TRAPPC9: variants seen among roughly 807,000 people sequenced by gnomAD.
TRAPPC9 encodes IKK2 binding protein.
In TRAPPC9, 83 loss-of-function variants were observed where a neutral mutation model predicts 124.0. The ratio of observed to expected loss-of-function variants is 0.67; its 90% CI spans 0.56 to 0.80. The LOEUF (loss-of-function observed/expected upper bound fraction) is 0.80, where lower values mean the gene tolerates loss of function less well. Ranked by LOEUF, TRAPPC9 falls within the 30% of genes least tolerant of loss-of-function variation. TRAPPC9 has a pLI of 0.00. For synonymous variants in TRAPPC9, 638 were observed against 617.5 expected (o/e 1.03, Z -0.49); for missense variants, 1,302 against 1,508.3 (o/e 0.86, Z 2.27).
At chr8:140,359,485 G>A (rs1461755321) in intron 9 of TRAPPC9, among the ~76,000 whole-genome samples, 2 of 152,180 alleles carry the variant, frequency 1.3e-5, no homozygotes, top group African/African-American at 4.8e-5. Context: ...CTTGAAACAG[G>A]GGCAGAAACA....
intron 21 of TRAPPC9, among the ~76,000 whole-genome samples, chr8:139,753,605 G>T (rs1009459516): frequency 2.0e-5 from 3 of 152,224 alleles, no homozygotes; most frequent in Admixed American, 6.5e-5. Flanking sequence ...CAAGCCTTCT[G>T]TACTCCTTCC....
At chr8:139,890,027 C>G (rs541441470) in intron 20 of TRAPPC9, among the ~76,000 whole-genome samples, 6 of 152,246 alleles carry the variant, frequency 3.9e-5, no homozygotes, top group Admixed American at 3.3e-4. Context: ...GCATCTCCCA[C>G]GATGAGGACG....
chr8:139,758,412 G>A (rs1472004799), intron 21 of TRAPPC9, among the ~76,000 whole-genome samples: 1 of 152,102 alleles, frequency 6.6e-6, no homozygotes, highest in Non-Finnish European at 1.5e-5. Flanking sequence ...CTCACATATT[G>A]ACTCTGTCAA....
chr8:139,843,508 G>T (rs955912244), intron 21 of TRAPPC9, among the ~76,000 whole-genome samples: 15 of 152,234 alleles, frequency 9.9e-5, no homozygotes, highest in African/African-American at 3.4e-4. Context: ...GTGGACTGGT[G>T]TTCTTCCACG....
intron 5 of TRAPPC9, among the ~76,000 whole-genome samples, chr8:140,417,466 A>C (rs2069978557): frequency 2.0e-5 from 3 of 152,268 alleles, no homozygotes; most frequent in Admixed American, 2.0e-4. Flanking sequence ...AAAAAAGCTC[A>C]TCATCACTGG....
intron 16 of TRAPPC9, among the ~76,000 whole-genome samples, chr8:140,248,533 G>A (rs1291013649): frequency 6.6e-6 from 1 of 152,120 alleles, no homozygotes; most frequent in East Asian, 1.9e-4. Context: ...TATATTTTGG[G>A]GTCCGTGGGG....
At chr8:139,789,896 G>A (rs577991680) in intron 21 of TRAPPC9, among the ~76,000 whole-genome samples, 189 of 152,238 alleles carry the variant, frequency 1.2e-3, no homozygotes, top group African/African-American at 4.3e-3. Context: ...ATTTGAAGGC[G>A]GTGCTCTGAT....
intron 19 of TRAPPC9, among the ~76,000 whole-genome samples, chr8:139,970,806 T>C (rs1186377969): frequency 6.6e-6 from 1 of 152,040 alleles, no homozygotes; most frequent in Non-Finnish European, 1.5e-5. Flanking sequence ...CCAGTGCCCT[T>C]TGTCCAGGAT....
At chr8:140,214,785 A>G (rs940233468) in intron 17 of TRAPPC9, among the ~76,000 whole-genome samples, 2 of 152,198 alleles carry the variant, frequency 1.3e-5, no homozygotes, top group African/African-American at 4.8e-5. Context: ...GTGGACAGAC[A>G]CAGTCACTCT....
At chr8:140,076,514 G>A (rs1843519537) in intron 17 of TRAPPC9, among the ~76,000 whole-genome samples, 1 of 152,214 alleles carries the variant, frequency 6.6e-6, no homozygotes. Flanking sequence ...AGAGGAGAGC[G>A]CCAGGCCTCC....
intron 5 of TRAPPC9, among the ~76,000 whole-genome samples, chr8:140,425,797 C>A (rs1255685416): frequency 2.0e-5 from 3 of 152,300 alleles, no homozygotes; most frequent in African/African-American, 7.2e-5. Flanking sequence ...GCCTTCTCAT[C>A]AGCAACTCAG....
intron 21 of TRAPPC9, among the ~76,000 whole-genome samples, chr8:139,819,010 T>A (rs1825062268): frequency 6.6e-6 from 1 of 152,214 alleles, no homozygotes; most frequent in Non-Finnish European, 1.5e-5. Context: ...TATGTCCCGT[T>A]AGGAACCAGG....
At chr8:140,203,857 G>A (rs2062853305) in intron 17 of TRAPPC9, among the ~76,000 whole-genome samples, 1 of 139,978 alleles carries the variant, frequency 7.1e-6, no homozygotes, top group African/African-American at 2.6e-5. Context: ...CACACATGAG[G>A]CCAAGGTATT....
At chr8:140,229,692 C>T (rs531277219) in intron 16 of TRAPPC9, among the ~76,000 whole-genome samples, 1 of 151,904 alleles carries the variant, frequency 6.6e-6, no homozygotes, top group Admixed American at 6.6e-5. Flanking sequence ...CAAGTGGCTG[C>T]GATTACAGGC....
chr8:140,261,290 A>G (rs2064401705), intron 15 of TRAPPC9, among the ~76,000 whole-genome samples: 1 of 152,144 alleles, frequency 6.6e-6, no homozygotes, highest in Admixed American at 6.5e-5. Context: ...AAATATCCTC[A>G]TGGCAGGCGC....
At chr8:139,839,377 C>CCAGGGCAGGGATGGCTTTCGA (rs796227611) in intron 21 of TRAPPC9, among the ~76,000 whole-genome samples, 12 of 152,296 alleles carry the variant, frequency 7.9e-5, no homozygotes, top group Non-Finnish European at 1.5e-4. Context: ...CTATGCAGCC[C>CCAGGGCAGGGATGGCTTTCGA]CAGGGCAGGG....
intron 19 of TRAPPC9, among the ~76,000 whole-genome samples, chr8:139,915,691 C>G (rs2131306971): frequency 6.6e-6 from 1 of 152,314 alleles, no homozygotes; most frequent in East Asian, 1.9e-4. Context: ...CGGGGAACAT[C>G]AGGGCAGAGA....
intron 19 of TRAPPC9, among the ~76,000 whole-genome samples, chr8:139,925,551 C>T (rs1021211380): frequency 2.0e-5 from 3 of 151,974 alleles, no homozygotes; most frequent in African/African-American, 7.2e-5. Context: ...AGTTCGAGAC[C>T]AGCCTGGGTA....
At chr8:139,838,529 G>C (rs1027281648) in intron 21 of TRAPPC9, among the ~76,000 whole-genome samples, 2 of 152,214 alleles carry the variant, frequency 1.3e-5, no homozygotes, top group East Asian at 1.9e-4. Context: ...CATTTTCATG[G>C]GCTGCTCGGA....
Sources: gnomAD v4.1 joint callset for allele counts (sites outside exome capture counted in the v4.1 genomes callset) on GRCh38, gnomAD v4.1.1 for gene constraint, MANE v1.5 for transcripts, NCBI Gene and HGNC (gene_info 2026-07-23, HGNC 2026-07-21) for gene names.